The following LINGO2 variants were observed in gnomAD, a reference collection of about 807,000 sequenced individuals.
LINGO2 encodes leucine rich repeat and Ig domain containing 2.
In LINGO2, 14 loss-of-function variants were observed where a neutral mutation model predicts 30.6. The ratio of observed to expected loss-of-function variants is 0.46; its 90% CI spans 0.30 to 0.72. LINGO2 has a LOEUF of 0.72. Ranked by LOEUF, LINGO2 falls within the 30% of genes least tolerant of loss-of-function variation. The probability of loss-of-function intolerance (pLI) is 0.07; values close to 1 mark genes in which losing one functional copy is unlikely to be tolerated. For missense variants in LINGO2, 729 were observed against 751.7 expected, an observed-to-expected ratio of 0.97 and a Z score of 0.35; for synonymous variants, 317 against 288.5, an observed-to-expected ratio of 1.10 and a Z score of -1.00.
chr9:28,347,012 T>C (rs1819605751), intron 3 of LINGO2, among the ~76,000 whole-genome samples: 1 of 152,190 alleles, frequency 6.6e-6, no homozygotes, highest in Non-Finnish European at 1.5e-5. Flanking sequence ...TCTTTTGCTG[T>C]ACAGAAGCTC....
chr9:28,496,239 T>C (rs1431187572), intron 1 of LINGO2, among the ~76,000 whole-genome samples: 2 of 152,164 alleles, frequency 1.3e-5, no homozygotes, highest in Non-Finnish European at 2.9e-5. Flanking sequence ...CTCGTTGATC[T>C]GTCTAATGTT....
chr9:28,222,630 C>T (rs936954998), intron 4 of LINGO2, among the ~76,000 whole-genome samples: 1 of 151,960 alleles, frequency 6.6e-6, no homozygotes, highest in African/African-American at 2.4e-5. Context: ...ACAGGCATTT[C>T]CAAGGATAAT....
intron 1 of LINGO2, among the ~76,000 whole-genome samples, chr9:28,573,244 A>C (rs1823793635): frequency 6.6e-6 from 1 of 152,204 alleles, no homozygotes; most frequent in Non-Finnish European, 1.5e-5. Flanking sequence ...TAATACACTT[A>C]TCCGGTTCAG....
rs5897312 is a variant in LINGO2 at position 28,617,302 on chromosome 9, C to CTT, written c.-365+52896_-365+52897dup. On this transcript the variant is annotated intron_variant, in intron 1 of 5. Transcript: ENST00000379992. ...AAAGAATATTTCTTTCTTTTCTTTTCTTTTTTTTTTCGAGACAGAGTCTCG... is the reference window on the plus strand; with the variant it reads ...AAAGAATATTTCTTTCTTTTCTTTTCTTTTTTTTTTTTCGAGACAGAGTCTCG... 7.3e-3 allele frequency among the ~76,000 whole-genome samples: 1,072 copies of CTT among 147,152 alleles called. 32 individuals are homozygous for CTT. The highest frequency in any genetic ancestry group is 0.026 in the African/African-American group (1,019 of 39,438).
chr9:28,400,155 A>G (rs1036397513), intron 2 of LINGO2, among the ~76,000 whole-genome samples: 8 of 152,200 alleles, frequency 5.3e-5, no homozygotes, highest in African/African-American at 1.9e-4. Context: ...CGGAAAGACC[A>G]GCCCAAGATA....
At chr9:28,901,273 G>C in the LINGO2 span, among the ~76,000 whole-genome samples, 660 of 152,116 alleles carry the variant, frequency 4.3e-3, 6 homozygotes, top group African/African-American at 0.015. Context: ...TAAAAAGCTA[G>C]AAAATTCATC....
chr9:28,551,673 T>C (rs1001924849), intron 1 of LINGO2, among the ~76,000 whole-genome samples: 1 of 152,096 alleles, frequency 6.6e-6, no homozygotes, highest in Non-Finnish European at 1.5e-5. Context: ...TTTTTATTTA[T>C]ATGCAAATTT....
chr9:28,035,573 A>T (rs1309925608), intron 4 of LINGO2, among the ~76,000 whole-genome samples: 1 of 152,212 alleles, frequency 6.6e-6, no homozygotes, highest in Non-Finnish European at 1.5e-5. Flanking sequence ...TATCCATTCC[A>T]TATTCACATA....
At chr9:28,934,474 G>C in the LINGO2 span, among the ~76,000 whole-genome samples, 1 of 152,122 alleles carries the variant, frequency 6.6e-6, no homozygotes, top group African/African-American at 2.4e-5. Context: ...AAGGGCTTAT[G>C]TCTTTTCCAT....
chr9:28,353,927 C>G (rs1820037912), intron 3 of LINGO2, among the ~76,000 whole-genome samples: 1 of 152,104 alleles, frequency 6.6e-6, no homozygotes, highest in African/African-American at 2.4e-5. Context: ...ACTGCATATT[C>G]TCACTCATAG....
At chr9:28,503,176 C>T (rs1819962653) in intron 1 of LINGO2, among the ~76,000 whole-genome samples, 2 of 152,046 alleles carry the variant, frequency 1.3e-5, no homozygotes, top group Non-Finnish European at 2.9e-5. Context: ...GGGTTCATTA[C>T]AGCCACTATG....
At chr9:28,660,044 A>G (rs1828525597) in intron 1 of LINGO2, among the ~76,000 whole-genome samples, 1 of 152,178 alleles carries the variant, frequency 6.6e-6, no homozygotes, top group Non-Finnish European at 1.5e-5. Flanking sequence ...ATGCTTATTC[A>G]TGTATATTAA....
intron 5 of LINGO2, among the ~76,000 whole-genome samples, chr9:27,959,824 T>A (rs562405001): frequency 1.3e-4 from 20 of 152,194 alleles, no homozygotes; most frequent in East Asian, 1.9e-4. Context: ...TAAATCCTTA[T>A]GAATTTTTTC....
the LINGO2 span, among the ~76,000 whole-genome samples, chr9:29,062,900 A>G: frequency 6.6e-6 from 1 of 152,046 alleles, no homozygotes; most frequent in Admixed American, 6.6e-5. Flanking sequence ...TCTTTGTACC[A>G]TTGTTTCTTT....
the LINGO2 span, among the ~76,000 whole-genome samples, chr9:28,760,185 G>T: frequency 2.0e-5 from 3 of 151,980 alleles, no homozygotes; most frequent in African/African-American, 7.3e-5. Context: ...ATTTCTTTAA[G>T]CAAAGCAAAC....
intron 1 of LINGO2, among the ~76,000 whole-genome samples, chr9:28,584,846 A>T (rs1824451790): frequency 6.6e-6 from 1 of 152,080 alleles, no homozygotes; most frequent in Admixed American, 6.6e-5. Flanking sequence ...ATGAATGCTT[A>T]ATGGACAAAA....
At chr9:28,922,809 G>T in the LINGO2 span, among the ~76,000 whole-genome samples, 1 of 152,138 alleles carries the variant, frequency 6.6e-6, no homozygotes, top group East Asian at 1.9e-4. Flanking sequence ...ACATATGCCC[G>T]TCTTAATAAC....
At chr9:28,515,525 G>A (rs993766216) in intron 1 of LINGO2, among the ~76,000 whole-genome samples, 25 of 152,112 alleles carry the variant, frequency 1.6e-4, no homozygotes, top group African/African-American at 6.0e-4. Flanking sequence ...ATTTTGTAAG[G>A]CTATAGTTGC....
chr9:28,593,218 C>T (rs1316626229), intron 1 of LINGO2, among the ~76,000 whole-genome samples: 1 of 151,994 alleles, frequency 6.6e-6, no homozygotes, highest in African/African-American at 2.4e-5. Context: ...GATAATAAAG[C>T]TATCATTCAT....
Sources: gnomAD v4.1 joint callset for allele counts (sites outside exome capture counted in the v4.1 genomes callset) on GRCh38, gnomAD v4.1.1 for gene constraint, MANE v1.5 for transcripts, NCBI Gene and HGNC (gene_info 2026-07-23, HGNC 2026-07-21) for gene names.